RAD51B: variants seen among roughly 807,000 people sequenced by gnomAD.
RAD51B encodes the protein DNA repair protein RAD51 homolog 2.
Under a neutral mutation model 42.2 loss-of-function variants are expected in RAD51B, and 38 were observed. The ratio of observed to expected loss-of-function variants is 0.90; its 90% CI spans 0.70 to 1.18. The LOEUF (loss-of-function observed/expected upper bound fraction) is 1.18, where lower values mean the gene tolerates loss of function less well. Among genes scored for constraint, RAD51B ranks in the 50% most tolerant of loss-of-function variants. RAD51B has a pLI of 0.00. For missense variants in RAD51B, 373 were observed against 400.7 expected (o/e 0.93, Z 0.59); for synonymous variants, 154 against 145.2 (o/e 1.06, Z -0.43).
intron 7 of RAD51B, among the ~76,000 whole-genome samples, chr14:68,171,036 G>T (rs1274895798): frequency 6.6e-6 from 1 of 152,192 alleles, no homozygotes; most frequent in Non-Finnish European, 1.5e-5. Flanking sequence ...GGGGTTTCAG[G>T]CTCCTCCTCC....
intron 10 of RAD51B, among the ~76,000 whole-genome samples, chr14:68,646,324 T>G (rs1360936252): frequency 6.6e-6 from 1 of 152,234 alleles, no homozygotes; most frequent in East Asian, 1.9e-4. Flanking sequence ...AATGATCATT[T>G]ACAAAGTTTT....
At chr14:68,648,856 C>T (rs1166561495) in intron 10 of RAD51B, among the ~76,000 whole-genome samples, 2 of 152,038 alleles carry the variant, frequency 1.3e-5, no homozygotes, top group South Asian at 2.1e-4. Flanking sequence ...TTTGTGATGG[C>T]GATGACCCTG....
At chr14:68,589,853 C>G (rs964154018) in intron 10 of RAD51B, among the ~76,000 whole-genome samples, 1 of 152,140 alleles carries the variant, frequency 6.6e-6, no homozygotes, top group Admixed American at 6.5e-5. Flanking sequence ...GCTTTTTCCC[C>G]CCCATTTTCA....
chr14:68,030,048 T>C (rs1020597530), intron 7 of RAD51B, among the ~76,000 whole-genome samples: 4 of 152,254 alleles, frequency 2.6e-5, no homozygotes, highest in Non-Finnish European at 5.9e-5. Flanking sequence ...AAATATTCAG[T>C]GAACCACACT....
rs2076495840 is a variant in RAD51B, at chr14:68,057,499, T to A, written c.756+170295T>A. 2.0e-5 allele frequency among the ~76,000 whole-genome samples: 3 copies of A among 152,062 alleles called. No individual in the cohort carries two copies. In the East Asian group the frequency reaches 5.8e-4, roughly 29 times the overall value. The stretch of plus-strand genomic sequence containing the variant: ...GTTAATTTAGATATAGGAGGTAGGA[T>A]TTGAAAACAGGATCACATTATAAAC... On this transcript the variant is annotated intron_variant, in intron 7 of 10. Coordinates refer to ENST00000471583, the MANE Select transcript of RAD51B (RefSeq NM_133510.4).
chr14:68,159,142 G>A (rs531159843), intron 7 of RAD51B, among the ~76,000 whole-genome samples: 4 of 151,744 alleles, frequency 2.6e-5, no homozygotes, highest in Non-Finnish European at 4.4e-5. Context: ...AATTGATGGG[G>A]GTGTAGATGT....
At chr14:68,269,122 C>A (rs184012700) in intron 7 of RAD51B, among the ~76,000 whole-genome samples, 3 of 152,266 alleles carry the variant, frequency 2.0e-5, no homozygotes, top group South Asian at 2.1e-4. Context: ...TTCCCCCCAG[C>A]CAAGAGGAAT....
intron 7 of RAD51B, among the ~76,000 whole-genome samples, chr14:67,992,375 T>C (rs1322923376): frequency 1.3e-5 from 2 of 152,178 alleles, no homozygotes; most frequent in Non-Finnish European, 2.9e-5. Flanking sequence ...ATTTGTCTGG[T>C]CCTTAAAGCT....
intron 7 of RAD51B, among the ~76,000 whole-genome samples, chr14:68,164,102 C>A (rs1378056742): frequency 6.6e-6 from 1 of 152,118 alleles, no homozygotes; most frequent in Admixed American, 6.5e-5. Context: ...TTTTACAGAG[C>A]AGAGATGACA....
chr14:68,534,607 G>C (rs887353095), intron 10 of RAD51B, among the ~76,000 whole-genome samples: 1 of 152,186 alleles, frequency 6.6e-6, no homozygotes, highest in Non-Finnish European at 1.5e-5. Context: ...AGGTTTTGGT[G>C]AAGGCGCGAA....
chr14:67,993,524 T>C (rs186773100), intron 7 of RAD51B, among the ~76,000 whole-genome samples: 5 of 152,338 alleles, frequency 3.3e-5, no homozygotes, highest in Admixed American at 3.3e-4. Flanking sequence ...TGACAGGATC[T>C]CATTCTTTTT....
intron 7 of RAD51B, among the ~76,000 whole-genome samples, chr14:68,049,676 A>C (rs563627212): frequency 6.6e-6 from 1 of 152,322 alleles, no homozygotes; most frequent in Admixed American, 6.5e-5. Context: ...ACAATTCTTC[A>C]CAATATCTCT....
intron 5 of RAD51B, among the ~76,000 whole-genome samples, chr14:67,882,890 G>A (rs28713367): frequency 0.33 from 49,768 of 151,910 alleles, 8,724 homozygotes; most frequent in Middle Eastern, 0.46. Flanking sequence ...GATTACAGGC[G>A]CCCGTCACCA....
intron 8 of RAD51B, among the ~76,000 whole-genome samples, chr14:68,297,720 CA>C (rs1200235413): frequency 1.3e-5 from 2 of 152,140 alleles, no homozygotes; most frequent in Non-Finnish European, 2.9e-5. Flanking sequence ...ACATTATTAA[CA>C]TTAGCTTTTC....
At chr14:68,669,522 T>A (rs1474562107) in intron 11 of RAD51B, among the ~76,000 whole-genome samples, 1 of 152,108 alleles carries the variant, frequency 6.6e-6, no homozygotes, top group South Asian at 2.1e-4. Flanking sequence ...TTGGGAAGAC[T>A]CTTTGTTCTT....
intron 7 of RAD51B, among the ~76,000 whole-genome samples, chr14:67,939,649 C>T (rs959169195): frequency 6.6e-6 from 1 of 152,034 alleles, no homozygotes; most frequent in Non-Finnish European, 1.5e-5. Context: ...AAATAACAAA[C>T]ATTTATTTCT....
intron 8 of RAD51B, among the ~76,000 whole-genome samples, chr14:68,356,376 A>G (rs1036737931): frequency 6.8e-6 from 1 of 146,536 alleles, no homozygotes; most frequent in Non-Finnish European, 1.5e-5. Context: ...CGGAGCTTGC[A>G]GTGAGCCGAG....
At chr14:68,065,305 C>A (rs2076632485) in intron 7 of RAD51B, among the ~76,000 whole-genome samples, 1 of 152,156 alleles carries the variant, frequency 6.6e-6, no homozygotes, top group Non-Finnish European at 1.5e-5. Flanking sequence ...TACTCAGGGT[C>A]TCCTCCCTTG....
At chr14:68,590,410 C>T (rs970399723) in intron 10 of RAD51B, among the ~76,000 whole-genome samples, 3 of 152,218 alleles carry the variant, frequency 2.0e-5, no homozygotes, top group African/African-American at 7.2e-5. Context: ...TGTAACTGCC[C>T]CCAGCTTGCC....
Sources: allele counts gnomAD v4.1 joint callset (sites outside exome capture counted in the v4.1 genomes callset), GRCh38; gene constraint gnomAD v4.1.1; transcripts MANE v1.5; gene names NCBI Gene and HGNC (gene_info 2026-07-23, HGNC 2026-07-21).